KCNIP1: variants seen among roughly 807,000 people sequenced by gnomAD.
KCNIP1 encodes the protein potassium voltage-gated channel interacting protein 1.
In KCNIP1, 18 loss-of-function variants were observed where a neutral mutation model predicts 33.0. That is an observed-to-expected ratio of 0.55 (90% CI 0.38 to 0.81). The LOEUF is 0.81. Among genes scored for constraint, KCNIP1 ranks in the 30% least tolerant of loss-of-function variants. KCNIP1 has a pLI of 0.00. For missense variants in KCNIP1, 238 were observed against 271.6 expected (o/e 0.88, Z 0.87); for synonymous variants, 93 against 98.3 (o/e 0.95, Z 0.32).
chr5:170,354,008 C>T (rs777238425), intron 1 of KCNIP1: 3 of 1,559,700 alleles, frequency 1.9e-6, no homozygotes, highest in African/African-American at 2.7e-5. Flanking sequence ...CTTGATATGG[C>T]CTGGCTGGTC....
At chr5:170,708,026 T>C (rs556595897) in intron 1 of KCNIP1, among the ~76,000 whole-genome samples, 1 of 152,230 alleles carries the variant, frequency 6.6e-6, no homozygotes, top group South Asian at 2.1e-4. Context: ...GGGCTCATTG[T>C]TAAGTTTATA....
intron 1 of KCNIP1, among the ~76,000 whole-genome samples, chr5:170,522,891 A>G (rs1294069081): frequency 6.6e-6 from 1 of 152,226 alleles, no homozygotes; most frequent in Admixed American, 6.5e-5. Flanking sequence ...CCACTTCTGA[A>G]CAGGACTTGG....
At chr5:170,708,754 C>T (rs377403891) in intron 1 of KCNIP1, among the ~76,000 whole-genome samples, 20 of 152,246 alleles carry the variant, frequency 1.3e-4, no homozygotes, top group African/African-American at 4.8e-4. Context: ...AAAAAACTAG[C>T]CAGGCATGGT....
intron 1 of KCNIP1, among the ~76,000 whole-genome samples, chr5:170,566,932 C>A (rs570694898): frequency 3.5e-4 from 53 of 152,328 alleles, no homozygotes; most frequent in Non-Finnish European, 6.0e-4. Context: ...CTGTGGCCAG[C>A]ACCTGGATAT....
rs115860600 is a variant in KCNIP1, at chr5:170,576,509, A to G, written c.61+71876A>G. 6.6e-3 allele frequency among the ~76,000 whole-genome samples: 1,009 copies of G among 152,304 alleles called. 10 individuals are homozygous for G. The highest frequency in any genetic ancestry group is 0.023 in the African/African-American group (969 of 41,560). Reference sequence around the variant, plus strand: ...AGTTGTAAAAGAGCATGTGGGATGGAAGATATTGTTGCAAGCATCTTTAGC... The same window carrying G: ...AGTTGTAAAAGAGCATGTGGGATGGGAGATATTGTTGCAAGCATCTTTAGC... On this transcript the variant is annotated intron_variant, in intron 1 of 7. Coordinates refer to ENST00000328939, the MANE Select transcript of KCNIP1 (RefSeq NM_014592.4).
chr5:170,372,604 CT>C (rs1238608976), intron 1 of KCNIP1, among the ~76,000 whole-genome samples: 1 of 152,046 alleles, frequency 6.6e-6, no homozygotes, highest in Non-Finnish European at 1.5e-5. Context: ...CCTATCGCCC[CT>C]AAAGGACCTC....
chr5:170,688,527 C>A (rs973779963), intron 1 of KCNIP1, among the ~76,000 whole-genome samples: 1 of 152,142 alleles, frequency 6.6e-6, no homozygotes, highest in Non-Finnish European at 1.5e-5. Context: ...TGCTTCTCAA[C>A]CACCAAGTAG....
chr5:170,700,251 A>C (rs1025147758), intron 1 of KCNIP1, among the ~76,000 whole-genome samples: 1 of 152,106 alleles, frequency 6.6e-6, no homozygotes, highest in African/African-American at 2.4e-5. Flanking sequence ...CAAGGCCACC[A>C]CAGAGAAGCC....
At chr5:170,550,489 A>ATGGTGATGATGATGGTGATGACAG (rs1756574189) in intron 1 of KCNIP1, among the ~76,000 whole-genome samples, 10 of 151,788 alleles carry the variant, frequency 6.6e-5, no homozygotes, top group African/African-American at 2.4e-4. Flanking sequence ...GGTGATGACA[A>ATGGTGATGATGATGGTGATGACAG]TGATGGTGAT....
At chr5:170,359,983 C>T (rs1337490828) in intron 1 of KCNIP1, among the ~76,000 whole-genome samples, 2 of 152,218 alleles carry the variant, frequency 1.3e-5, no homozygotes, top group African/African-American at 4.8e-5. Flanking sequence ...ACTTCAGGAC[C>T]ACAGGGGAGC....
chr5:170,449,901 A>G (rs1165427408), intron 1 of KCNIP1, among the ~76,000 whole-genome samples: 1 of 152,178 alleles, frequency 6.6e-6, no homozygotes, highest in African/African-American at 2.4e-5. Flanking sequence ...AATTATAAAA[A>G]TTATAGAAAG....
intron 1 of KCNIP1, among the ~76,000 whole-genome samples, chr5:170,430,443 C>G (rs1164879503): frequency 6.6e-6 from 1 of 152,216 alleles, no homozygotes; most frequent in Non-Finnish European, 1.5e-5. Context: ...CCTTCTCCAG[C>G]TGTCAAACTC....
At chr5:170,381,928 G>A (rs1341602991) in intron 1 of KCNIP1, among the ~76,000 whole-genome samples, 2 of 152,166 alleles carry the variant, frequency 1.3e-5, no homozygotes, top group Non-Finnish European at 2.9e-5. Flanking sequence ...GTGGGGCCGA[G>A]TCATACTAGC....
intron 1 of KCNIP1, among the ~76,000 whole-genome samples, chr5:170,356,370 C>G (rs184337708): frequency 1.1e-3 from 170 of 152,280 alleles, no homozygotes; most frequent in African/African-American, 3.9e-3. Context: ...TTCTTACCAG[C>G]CTTGCAAATA....
chr5:170,538,553 G>A (rs1756080771), intron 1 of KCNIP1, among the ~76,000 whole-genome samples: 1 of 151,888 alleles, frequency 6.6e-6, no homozygotes, highest in African/African-American at 2.4e-5. Context: ...ACACACAGTT[G>A]TTCCTCCTCC....
chr5:170,433,750 G>T (rs139714269), intron 1 of KCNIP1, among the ~76,000 whole-genome samples: 1 of 152,172 alleles, frequency 6.6e-6, no homozygotes, highest in African/African-American at 2.4e-5. Context: ...TGTATGTCAC[G>T]CACTATGCTA....
chr5:170,719,105 A>C (rs1364775643), intron 2 of KCNIP1, among the ~76,000 whole-genome samples: 1 of 152,052 alleles, frequency 6.6e-6, no homozygotes, highest in Non-Finnish European at 1.5e-5. Flanking sequence ...ACTGCCCAGA[A>C]ATTTCACAGG....
At chr5:170,529,785 A>G (rs7724503) in intron 1 of KCNIP1, among the ~76,000 whole-genome samples, 18,503 of 152,246 alleles carry the variant, frequency 0.12, 1,304 homozygotes, top group Middle Eastern at 0.23. Flanking sequence ...GTTAGAGCTT[A>G]TAAATGGCAG....
intron 1 of KCNIP1, among the ~76,000 whole-genome samples, chr5:170,563,053 C>T (rs557048459): frequency 2.0e-5 from 3 of 152,334 alleles, no homozygotes; most frequent in Non-Finnish European, 2.9e-5. Context: ...TCCCCTCGTA[C>T]GCTGCCCTTT....
Sources: gnomAD v4.1 joint callset for allele counts (sites outside exome capture counted in the v4.1 genomes callset) on GRCh38, gnomAD v4.1.1 for gene constraint, MANE v1.5 for transcripts, NCBI Gene and HGNC (gene_info 2026-07-23, HGNC 2026-07-21) for gene names.